VWF: variants seen among roughly 807,000 people sequenced by gnomAD.
VWF encodes the protein Factor VIII related antigen.
Under a neutral mutation model 308.6 loss-of-function variants are expected in VWF, and 176 were observed. That is an observed-to-expected ratio of 0.57 (90% CI 0.50 to 0.65). The LOEUF is 0.65. VWF is among the 30% of genes least tolerant of loss of function. VWF has a pLI of 0.00. For synonymous variants in VWF, 1,385 were observed against 1,443.4 expected (o/e 0.96, Z 0.92); for missense variants, 3,146 against 3,648.2 (o/e 0.86, Z 3.55).
chr12:6,005,170 C>CAT (rs1438712219), intron 34 of VWF, among the ~76,000 whole-genome samples: 1 of 152,012 alleles, frequency 6.6e-6, no homozygotes, highest in African/African-American at 2.4e-5. Flanking sequence ...TAAAACATAC[C>CAT]ATAAAGCCTT....
At chr12:6,012,213 T>TG (rs1474606792) in intron 32 of VWF, 83 bp from the exon 33 acceptor site, 1 of 1,471,334 alleles carries the variant, frequency 6.8e-7, no homozygotes, top group African/African-American at 1.4e-5. Context: ...TTAAGCAACC[T>TG]GGTCTAGTTT....
chr12:6,087,053 A>G (rs1417817539), intron 6 of VWF, among the ~76,000 whole-genome samples: 1 of 152,178 alleles, frequency 6.6e-6, no homozygotes, highest in East Asian at 1.9e-4. Context: ...GCCAAAGAAA[A>G]TAAGGCTTGT....
rs778264405 is a variant in VWF at position 5,976,263 on chromosome 12, G to A, written c.7288-3C>T. The A allele has an allele frequency of 1.2e-6, 2 of 1,613,988 alleles. No homozygotes were observed. Among genetic ancestry groups the A allele is most frequent in the African/African-American group, 2.7e-5 (2 of 74,914 alleles). On this transcript the variant is annotated splice_polypyrimidine_tract_variant and splice_region_variant and intron_variant, in intron 42 of 51. Transcript: ENST00000261405. ...ATGGTGCTTCGGTGGACACACACCT[G>A]TAGACATAAGTTTTCGTGAGTGAAC...
chr12:6,062,218 G>A (rs959104309), intron 13 of VWF, among the ~76,000 whole-genome samples: 4 of 152,098 alleles, frequency 2.6e-5, no homozygotes, highest in Non-Finnish European at 5.9e-5. Flanking sequence ...GTTCTGATGG[G>A]AAAGGCATGA....
At chr12:6,030,537 CTG>C (rs1365254491) in intron 21 of VWF, among the ~76,000 whole-genome samples, 4 of 152,198 alleles carry the variant, frequency 2.6e-5, no homozygotes, top group African/African-American at 4.8e-5. Context: ...GGATCCAAAA[CTG>C]TGGCCTGGGG....
chr12:6,057,478 A>AATTTATTT (rs574627821), intron 14 of VWF, among the ~76,000 whole-genome samples: 1 of 99,378 alleles, frequency 1.0e-5, no homozygotes, highest in Non-Finnish European at 2.0e-5. Flanking sequence ...ACGCCCGGCA[A>AATTTATTT]ATTTATTATT....
chr12:5,967,498 G>A lies in VWF; in HGVS notation c.7875C>T (p.Asn2625=). The change falls in exon 47 of 52, where the codon AAC becomes AAT. Residue 2625 remains asparagine, a synonymous_variant. Coordinates refer to ENST00000261405, the MANE Select transcript of VWF (RefSeq NM_000552.5). ...FKLECRKTTC[N]PCPLGYKEEN... The stretch of plus-strand genomic sequence containing the variant: ...GAGCCTCTCTTACCAGGGGGCAGGG[G>A]TTGCAGGTGGTCTTCCTGCACTCCA... 1 of 1,614,084 alleles carries A rather than the reference G, an allele frequency of 6.2e-7. No individual in the cohort carries two copies. Among genetic ancestry groups the A allele is most frequent in the Non-Finnish European group, 8.5e-7 (1 of 1,179,982 alleles).
rs1370175388 is a variant in VWF at position 6,019,580 on chromosome 12, A to C, written c.3838T>G (p.Phe1280Val). ...AGCCTGGAGGAGCCATCCAGCAGGA[A>C]GACCAGGTCCAGTAGCCTGCTGCAG... ...FYCSRLLDLV[F>V]LLDGSSRLSE... is the part of the protein sequence containing the mutation. Residue 1280 changes from phenylalanine to valine, a missense_variant, in exon 28 of 52, where the codon TTC becomes GTC. Phe to Val is a conservative substitution (Grantham distance 50). Around this residue, in one of 3 missense-constraint regions of VWF, gnomAD observed 853 missense variants for 1,177.8 expected, o/e 0.72. Transcript: ENST00000261405. The surrounding 1 kb of genome is among the most constrained non-coding windows in gnomAD (Gnocchi z 5.8). 2 of 1,613,860 alleles carry C rather than the reference A, an allele frequency of 1.2e-6. No homozygotes were observed. Among genetic ancestry groups the C allele is most frequent in the Non-Finnish European group, 1.7e-6 (2 of 1,179,870 alleles).
At position 6,063,506 on chromosome 12, in the gene VWF, G is replaced by T. The variant is rs964059096; in HGVS notation, c.1433-452C>A. ...ATTGTTGCTTCTGTGGGAAGGTGGC[G>T]ACAGATAGGAGCACACCCCTTGCCC... On this transcript the variant is annotated intron_variant, in intron 12 of 51. Coordinates refer to ENST00000261405, the MANE Select transcript of VWF (RefSeq NM_000552.5). This position sits in a 1 kb window ranked among gnomAD's most constrained non-coding sequence, Gnocchi z 4.9. Among the ~76,000 whole-genome samples the T allele has an allele frequency of 2.0e-5, 3 of 152,112 alleles. No homozygotes were observed. Among genetic ancestry groups the T allele is most frequent in the African/African-American group, 7.2e-5 (3 of 41,418 alleles).
At chr12:6,051,012 T>C (rs1049776544) in intron 16 of VWF, among the ~76,000 whole-genome samples, 8 of 138,248 alleles carry the variant, frequency 5.8e-5, no homozygotes, top group Admixed American at 4.8e-4. Context: ...TAAGGAATTA[T>C]TGTTCATGTT....
At chr12:6,049,084 C>T (rs773716764) in intron 16 of VWF, among the ~76,000 whole-genome samples, 3 of 152,190 alleles carry the variant, frequency 2.0e-5, no homozygotes, top group Non-Finnish European at 2.9e-5. Flanking sequence ...ACCAAGCACG[C>T]GGTCTGCAGA....
At chr12:5,984,013 T>C (rs1223614082) in intron 40 of VWF, among the ~76,000 whole-genome samples, 25 of 137,426 alleles carry the variant, frequency 1.8e-4, no homozygotes, top group African/African-American at 6.9e-4. Context: ...GATAGATAGA[T>C]AGATAGACAG....
At chr12:6,001,861 T>C (rs1456833172) in intron 34 of VWF, among the ~76,000 whole-genome samples, 1 of 152,112 alleles carries the variant, frequency 6.6e-6, no homozygotes, top group African/African-American at 2.4e-5. Context: ...TAACGGTAAC[T>C]TCCACAAAGT....
intron 38 of VWF, among the ~76,000 whole-genome samples, chr12:5,988,239 C>G (rs1943701070): frequency 6.6e-6 from 1 of 152,190 alleles, no homozygotes; most frequent in African/African-American, 2.4e-5. Flanking sequence ...GGAGGAGGCC[C>G]TGCCTCACAG....
intron 43 of VWF, among the ~76,000 whole-genome samples, chr12:5,975,242 A>G (rs1289911479): frequency 1.3e-5 from 2 of 152,250 alleles, no homozygotes; most frequent in African/African-American, 4.8e-5. Context: ...AAACACCTTC[A>G]GGAACTCTGC....
intron 50 of VWF, 53 bp downstream of exon 50, chr12:5,951,791 C>G: frequency 6.2e-7 from 1 of 1,600,846 alleles, no homozygotes; most frequent in East Asian, 2.2e-5. Flanking sequence ...GCAAAGAGCC[C>G]CTGGACTTGC....
At chr12:6,106,875 C>CAAAAAAA (rs201177758) in intron 5 of VWF, among the ~76,000 whole-genome samples, 1 of 34,798 alleles carries the variant, frequency 2.9e-5, no homozygotes, top group Non-Finnish European at 6.3e-5. Context: ...AACTCCGACT[C>CAAAAAAA]AAAAAAAAAA....
chr12:6,047,742 G>A (rs888381151), intron 16 of VWF, among the ~76,000 whole-genome samples: 27 of 152,282 alleles, frequency 1.8e-4, no homozygotes, highest in African/African-American at 5.5e-4. Context: ...ATCGAGCACC[G>A]TGTTTGTAAG....
At chr12:6,073,508 G>T (rs941900344) in intron 8 of VWF, 111 bp downstream of exon 8, 32 of 1,461,660 alleles carry the variant, frequency 2.2e-5, no homozygotes, top group Non-Finnish European at 2.9e-5. Context: ...TTAATAAAAG[G>T]CTTCTGATTT....
Sources: gnomAD v4.1 joint callset for allele counts (sites outside exome capture counted in the v4.1 genomes callset) on GRCh38, gnomAD v4.1.1 for gene constraint, gnomAD v4.1.1 regional missense constraint, Gnocchi (gnomAD v3.1) non-coding constraint, MANE v1.5 for transcripts, NCBI Gene and HGNC (gene_info 2026-07-23, HGNC 2026-07-21) for gene names.